DPP10: variants seen among roughly 807,000 people sequenced by gnomAD.
DPP10 encodes dipeptidyl peptidase like 10.
Under a neutral mutation model 120.9 loss-of-function variants are expected in DPP10, and 33 were observed. That is an observed-to-expected ratio of 0.27 (90% CI 0.21 to 0.37). DPP10 has a LOEUF of 0.37. DPP10 is among the 10% of genes least tolerant of loss of function. The pLI, the probability that DPP10 is intolerant of heterozygous loss-of-function variation, is 1.00. For missense variants in DPP10, 816 were observed against 942.8 expected, an observed-to-expected ratio of 0.87 and a Z score of 1.76; for synonymous variants, 337 against 326.1, an observed-to-expected ratio of 1.03 and a Z score of -0.36.
intron 3 of DPP10, among the ~76,000 whole-genome samples, chr2:115,472,026 A>C (rs1323729978): frequency 2.0e-5 from 3 of 152,112 alleles, no homozygotes; most frequent in Admixed American, 6.6e-5. Context: ...ATTTTTTTCA[A>C]GGCTTTGTTA....
Position 115,814,918 on chromosome 2 carries a change from T to A in DPP10, c.1826T>A (p.Leu609Gln). ...GGCAGAGGAAGTGGATTCCAGGGTC[T>A]GAAAATTTTGCAGGAGATTCATCGA... Reference protein sequence around the residue: ...FDGRGSGFQGLKILQEIHRRL... With the variant: ...FDGRGSGFQGQKILQEIHRRL... The change falls in exon 20 of 26, where the codon CTG (leucine) becomes CAG (glutamine). Residue 609 changes from leucine to glutamine, a missense_variant. This residue lies in a region of DPP10 where 592 missense variants were observed against 649.0 expected (regional missense o/e 0.91). Transcript: ENST00000410059. 1 of 1,612,976 alleles carries A rather than the reference T, an allele frequency of 6.2e-7. No homozygotes were observed. Among genetic ancestry groups the A allele is most frequent in the Non-Finnish European group, 8.5e-7 (1 of 1,179,154 alleles).
chr2:114,685,808 T>C (rs1378326937), intron 1 of DPP10, among the ~76,000 whole-genome samples: 1 of 151,986 alleles, frequency 6.6e-6, no homozygotes, highest in Non-Finnish European at 1.5e-5. Flanking sequence ...GACCCCATTA[T>C]TCCTTGTCCG....
chr2:115,752,031 G>A (rs543623241), intron 10 of DPP10, among the ~76,000 whole-genome samples: 23 of 152,028 alleles, frequency 1.5e-4, no homozygotes, highest in African/African-American at 5.1e-4. Context: ...ATCTGCTGAC[G>A]TCGTGATCCA....
chr2:114,833,003 T>C (rs1687276973), intron 1 of DPP10, among the ~76,000 whole-genome samples: 2 of 152,290 alleles, frequency 1.3e-5, no homozygotes, highest in African/African-American at 4.8e-5. Context: ...AAATACGATA[T>C]TCTGATTCTG....
At chr2:114,921,897 GC>G (rs1172704487) in intron 1 of DPP10, among the ~76,000 whole-genome samples, 5 of 152,192 alleles carry the variant, frequency 3.3e-5, no homozygotes, top group Admixed American at 6.5e-5. Flanking sequence ...AAACACAGCA[GC>G]CTTTTCCCTT....
chr2:114,531,761 G>C (rs1686010595), intron 1 of DPP10, among the ~76,000 whole-genome samples: 1 of 151,946 alleles, frequency 6.6e-6, no homozygotes, highest in African/African-American at 2.4e-5. Context: ...AAAAGTATAT[G>C]ATGCTTATTT....
chr2:115,224,439 G>T (rs1430550853), intron 1 of DPP10, among the ~76,000 whole-genome samples: 1 of 152,108 alleles, frequency 6.6e-6, no homozygotes, highest in African/African-American at 2.4e-5. Context: ...AATTTGCTAG[G>T]TGAGTTTCTC....
intron 21 of DPP10, among the ~76,000 whole-genome samples, chr2:115,833,983 A>G (rs1451654361): frequency 6.6e-6 from 1 of 152,144 alleles, no homozygotes; most frequent in Admixed American, 6.5e-5. Context: ...AAAATTTAAA[A>G]TGGGCTACTT....
chr2:115,074,669 G>A (rs1045260449), intron 1 of DPP10, among the ~76,000 whole-genome samples: 7 of 152,138 alleles, frequency 4.6e-5, no homozygotes, highest in African/African-American at 9.7e-5. Flanking sequence ...AAACCATTTC[G>A]AAGGTAATGA....
intron 1 of DPP10, among the ~76,000 whole-genome samples, chr2:115,101,478 C>T (rs1269801244): frequency 6.6e-6 from 1 of 152,098 alleles, no homozygotes; most frequent in East Asian, 1.9e-4. Context: ...TTCTTTCCTA[C>T]CACTGATATA....
intron 3 of DPP10, among the ~76,000 whole-genome samples, chr2:115,412,368 G>A (rs1194770515): frequency 3.9e-5 from 6 of 152,098 alleles, no homozygotes; most frequent in Admixed American, 3.9e-4. Flanking sequence ...TACCACCCAT[G>A]TTTTAAGATA....
intron 1 of DPP10, among the ~76,000 whole-genome samples, chr2:115,062,128 CTGTGTGTGTGTGTGTGTGTGTGTGTG>C (rs61413782): frequency 7.0e-6 from 1 of 143,880 alleles, no homozygotes; most frequent in African/African-American, 2.5e-5. Context: ...GATTACAGTT[CTGTGTGTGTGTGTGTGTGTGTGTGTG>C]TGTGTGTGTG....
intron 1 of DPP10, among the ~76,000 whole-genome samples, chr2:114,675,807 AT>A (rs71955365): frequency 0.42 from 61,492 of 147,954 alleles, 12,690 homozygotes; most frequent in South Asian, 0.57. Flanking sequence ...ATCTTTAATA[AT>A]TTTTTTTTTT....
intron 5 of DPP10, among the ~76,000 whole-genome samples, chr2:115,679,201 G>A (rs906493418): frequency 4.6e-5 from 7 of 151,846 alleles, no homozygotes; most frequent in Admixed American, 6.6e-5. Context: ...ATGTGGGGGG[G>A]GTGCATGGGT....
chr2:115,133,182 T>TTG lies in DPP10; in HGVS notation c.61-176056_61-176055insGT, dbSNP rs1246893142. Among the ~76,000 whole-genome samples the TTG allele has an allele frequency of 1.2e-4, 16 of 137,516 alleles. No homozygotes were observed. In the East Asian group the frequency reaches 3.1e-3, roughly 26 times the overall value. 90.2% of individuals were successfully genotyped at this position (137,516 alleles called of 152,430 possible). A position where few individuals can be genotyped will look rare whatever the true frequency, so the allele number is the denominator to read the frequency against. On this transcript the variant is annotated intron_variant, in intron 1 of 25. Coordinates refer to ENST00000410059, the MANE Select transcript of DPP10 (RefSeq NM_020868.6). Reference sequence around the variant, plus strand: ...ATATATATATATATATATATAGTTTTTTTTTTTTTTTCTTGAGACAGAGTC... The same window carrying TTG: ...ATATATATATATATATATATAGTTTTTGTTTTTTTTTTTCTTGAGACAGAGTC...
rs113159547 is a variant in DPP10, at chr2:115,067,589, C to T, written c.61-241650C>T. On this transcript the variant is annotated intron_variant, in intron 1 of 25. Coordinates refer to ENST00000410059, the MANE Select transcript of DPP10 (RefSeq NM_020868.6). ...TTTTAAAAAAAGAAAAATGGCCGGG[C>T]GCGGTGGCTCACGCCTTTGATCCCA... 1.3e-3 allele frequency among the ~76,000 whole-genome samples: 180 copies of T among 136,958 alleles called. 2 individuals are homozygous for T. Among genetic ancestry groups the T allele is most frequent in the African/African-American group, 3.8e-3 (147 of 38,746 alleles). The allele number at this position is 136,958 out of a possible 152,430, so 89.8% of individuals were successfully genotyped here.
At chr2:115,565,867 C>A (rs2149069594) in intron 5 of DPP10, among the ~76,000 whole-genome samples, 1 of 149,390 alleles carries the variant, frequency 6.7e-6, no homozygotes, top group East Asian at 2.0e-4. Context: ...CTCGTTGCAA[C>A]CTCCGCCTCC....
intron 5 of DPP10, among the ~76,000 whole-genome samples, chr2:115,528,431 C>T (rs924993000): frequency 6.9e-6 from 1 of 145,788 alleles, no homozygotes; most frequent in African/African-American, 2.7e-5. Context: ...AATAAACCAA[C>T]ATTTATTTAA....
At chr2:115,156,717 TG>T in intron 1 of DPP10, among the ~76,000 whole-genome samples, 1 of 152,326 alleles carries the variant, frequency 6.6e-6, no homozygotes, top group African/African-American at 2.4e-5. Context: ...AATCTTGTCT[TG>T]GTTATGGAAA....
Sources: allele counts gnomAD v4.1 joint callset (sites outside exome capture counted in the v4.1 genomes callset), GRCh38; gene constraint gnomAD v4.1.1; regional missense constraint gnomAD v4.1.1; transcripts MANE v1.5; gene names NCBI Gene and HGNC (gene_info 2026-07-23, HGNC 2026-07-21).